BAZ1A: variants seen among roughly 807,000 people sequenced by gnomAD.
BAZ1A encodes bromodomain adjacent to zinc finger domain 1A.
Under a neutral mutation model 185.2 loss-of-function variants are expected in BAZ1A, and 50 were observed. That is an observed-to-expected ratio of 0.27 (90% CI 0.22 to 0.34). The LOEUF (loss-of-function observed/expected upper bound fraction) is 0.34. Among genes scored for constraint, BAZ1A ranks in the 10% least tolerant of loss-of-function variants. The pLI, the probability that BAZ1A is intolerant of heterozygous loss-of-function variation, is 1.00. For synonymous variants in BAZ1A, 571 were observed against 615.6 expected (o/e 0.93, Z 1.07); for missense variants, 1,356 against 1,839.9 (o/e 0.74, Z 4.81).
intron 6 of BAZ1A, among the ~76,000 whole-genome samples, chr14:34,803,397 AAGAT>A (rs1881679366): frequency 6.6e-6 from 1 of 151,462 alleles, no homozygotes; most frequent in African/African-American, 2.4e-5. Flanking sequence ...AAAAAAAAAA[AAGAT>A]AAGGATAAAA....
chr14:34,758,606 T>A, intron 25 of BAZ1A, 98 bp downstream of exon 25: 1 of 1,242,560 alleles, frequency 8.0e-7, no homozygotes, highest in African/African-American at 1.5e-5. Context: ...CAAAAAAAAC[T>A]AGACAGTGAG....
At chr14:34,820,122 G>GTTTTTTTTTT (rs59706713) in intron 4 of BAZ1A, among the ~76,000 whole-genome samples, 11 of 80,642 alleles carry the variant, frequency 1.4e-4, no homozygotes, top group Non-Finnish European at 2.5e-4. Flanking sequence ...TGGGTTCCTC[G>GTTTTTTTTTT]TTTTTTTTTT....
rs748158188 is a variant in BAZ1A, at chr14:34,807,515, C to T, written c.662G>A (p.Arg221His). The T allele has an allele frequency of 9.9e-6, 16 of 1,612,368 alleles. No homozygotes were observed. The highest frequency in any genetic ancestry group is 2.2e-5 in the East Asian group (1 of 44,818). Residue 221 changes from arginine to histidine, a missense_variant, in exon 6 of 27, where the codon CGT (arginine) becomes CAT (histidine). Physicochemically the swap from Arg to His is conservative, Grantham distance 29. This residue lies in a region of BAZ1A where 332 missense variants were observed against 395.3 expected (regional missense o/e 0.84). Transcript: ENST00000360310. ...CTTCAGAAAAAGCTTTAGTTTATCA[C>T]GAGAAAATAGGTGTTTTCTCCGGCT... ...QISRRKHLFS[R>H]DKLKLFLKQH...
chr14:34,863,308 C>CA (rs2042802672), intron 2 of BAZ1A, among the ~76,000 whole-genome samples: 2 of 151,626 alleles, frequency 1.3e-5, no homozygotes, highest in Non-Finnish European at 2.9e-5. Context: ...GGATTACAGG[C>CA]ATGTGCCACC....
chr14:34,753,338 G>C lies in BAZ1A; in HGVS notation c.*170C>G. 1.5e-6 allele frequency: 1 copy of C among 649,048 alleles called. No individual in the cohort carries two copies. The highest frequency in any genetic ancestry group is 2.6e-6 in the Non-Finnish European group (1 of 385,196). The allele number at this position is 649,048 out of a possible 1,614,324, so 40.2% of individuals were successfully genotyped here. On this transcript the variant is annotated 3_prime_UTR_variant, in exon 27 of 27. Transcript: ENST00000360310. ...AGATACTGAACAAAACTGTAGCAAA[G>C]GATATCTTTCCTACATTCTCCTGAG...
chr14:34,761,006 C>T (rs533743035), intron 24 of BAZ1A, among the ~76,000 whole-genome samples: 47 of 151,892 alleles, frequency 3.1e-4, no homozygotes, highest in Non-Finnish European at 6.0e-4. Context: ...AGGCCAGGCG[C>T]GGTGGCTCAC....
At chr14:34,789,747 G>A (rs1318664927) in intron 12 of BAZ1A, among the ~76,000 whole-genome samples, 1 of 152,088 alleles carries the variant, frequency 6.6e-6, no homozygotes, top group East Asian at 1.9e-4. Flanking sequence ...ATAAAAACAG[G>A]GAGACCAAGG....
intron 25 of BAZ1A, 133 bp downstream of exon 25, chr14:34,758,571 C>T: frequency 1.1e-6 from 1 of 897,608 alleles, no homozygotes; most frequent in South Asian, 1.8e-5. Context: ...CAGAGTGAGA[C>T]TGTCTCAGGA....
intron 3 of BAZ1A, among the ~76,000 whole-genome samples, chr14:34,832,358 G>C (rs750555209): frequency 1.3e-5 from 2 of 150,732 alleles, no homozygotes; most frequent in African/African-American, 2.4e-5. Context: ...CTAAAGAAGA[G>C]GGAATGCTTC....
chr14:34,798,024 G>C (rs181226400), intron 9 of BAZ1A, among the ~76,000 whole-genome samples: 1 of 152,238 alleles, frequency 6.6e-6, no homozygotes, highest in Non-Finnish European at 1.5e-5. Context: ...ATTATATCCC[G>C]TGCCTGGCTC....
intron 4 of BAZ1A, 133 bp from the exon 5 acceptor site, chr14:34,811,169 A>C: frequency 1.7e-6 from 1 of 593,414 alleles, no homozygotes; most frequent in East Asian, 3.2e-5. Context: ...TTTGAGATGG[A>C]GTCTCACTCT....
chr14:34,789,075 A>G (rs1287944407), intron 12 of BAZ1A, among the ~76,000 whole-genome samples: 3 of 152,244 alleles, frequency 2.0e-5, no homozygotes, highest in Non-Finnish European at 4.4e-5. Flanking sequence ...AATCTAGCCC[A>G]AATGACAGAA....
rs140064440 is a variant in BAZ1A, at chr14:34,794,828, A to C, written c.1284T>G (p.Ala428=). ...TRLPPEIFGD[A]LMVLEFLNAF... ...CATTAAGGAACTCCAAAACCATCAG[A>C]GCATCACCAAAGATTTCAGGAGGTA... The change falls in exon 11 of 27, where the codon GCT becomes GCG. Residue 428 remains alanine (A), a synonymous_variant. Transcript: ENST00000360310. The C allele has an allele frequency of 5.8e-5, 94 of 1,614,164 alleles. No individual in the cohort carries two copies. The highest frequency in any genetic ancestry group is 7.3e-5 in the Non-Finnish European group (86 of 1,180,024).
intron 2 of BAZ1A, among the ~76,000 whole-genome samples, chr14:34,872,115 C>T (rs1414970868): frequency 6.6e-6 from 1 of 152,172 alleles, no homozygotes; most frequent in East Asian, 1.9e-4. Flanking sequence ...ATCAGCAATA[C>T]TCCTTAATTC....
intron 3 of BAZ1A, among the ~76,000 whole-genome samples, chr14:34,852,406 G>A (rs1219323543): frequency 4.6e-5 from 7 of 151,998 alleles, no homozygotes; most frequent in Non-Finnish European, 8.8e-5. Context: ...ATCACATGGG[G>A]CCAGGAGTTC....
intron 25 of BAZ1A, among the ~76,000 whole-genome samples, chr14:34,758,347 C>T (rs1011667910): frequency 1.3e-5 from 2 of 150,698 alleles, no homozygotes; most frequent in African/African-American, 2.4e-5. Context: ...TTTGGGGGGC[C>T]GAGGTGGGCA....
At chr14:34,856,289 CTTTT>C (rs10707416) in intron 3 of BAZ1A, among the ~76,000 whole-genome samples, 2 of 134,496 alleles carry the variant, frequency 1.5e-5, no homozygotes, top group Non-Finnish European at 1.6e-5. Context: ...TCAAGAGCAT[CTTTT>C]TTTTTTTTTT....
chr14:34,799,240 G>C (rs1334367911), intron 9 of BAZ1A, among the ~76,000 whole-genome samples: 1 of 105,680 alleles, frequency 9.5e-6, no homozygotes, highest in Non-Finnish European at 1.8e-5. Context: ...GTTGTGGGGT[G>C]GGGGGAGGGG....
At chr14:34,825,025 T>C (rs1010009336) in intron 4 of BAZ1A, among the ~76,000 whole-genome samples, 2 of 152,170 alleles carry the variant, frequency 1.3e-5, no homozygotes, top group Non-Finnish European at 2.9e-5. Flanking sequence ...AGCTACATGT[T>C]TGTGTGATTT....
Sources: allele counts gnomAD v4.1 joint callset (sites outside exome capture counted in the v4.1 genomes callset), GRCh38; gene constraint gnomAD v4.1.1; regional missense constraint gnomAD v4.1.1; transcripts MANE v1.5; gene names NCBI Gene and HGNC (gene_info 2026-07-23, HGNC 2026-07-21).